The following RASSF3 variants were observed in gnomAD, a reference collection of about 807,000 sequenced individuals.
RASSF3 encodes the protein ras association domain-containing protein 3.
RASSF3 carries 19 observed loss-of-function variants against 19.9 expected under a neutral mutation model. The ratio of observed to expected loss-of-function variants is 0.96; its 90% CI spans 0.67 to 1.40. RASSF3 has a LOEUF of 1.40. Among genes scored for constraint, RASSF3 ranks in the 40% most tolerant of loss-of-function variants. The pLI is 0.00. For synonymous variants in RASSF3, 110 were observed against 104.2 expected (o/e 1.06, Z -0.34); for missense variants, 306 against 289.8 (o/e 1.06, Z -0.41).
chr12:64,652,106 A>G (rs1327863930), intron 1 of RASSF3, among the ~76,000 whole-genome samples: 1 of 152,210 alleles, frequency 6.6e-6, no homozygotes, highest in East Asian at 1.9e-4. Context: ...AGATTACCAT[A>G]TTTTGCAATA....
intron 1 of RASSF3, among the ~76,000 whole-genome samples, chr12:64,673,281 G>A (rs891377894): frequency 6.6e-5 from 10 of 152,094 alleles, no homozygotes; most frequent in African/African-American, 2.4e-4. Context: ...CTTGAATTTG[G>A]GGTGGTGCTT....
rs1269081353 is a variant in RASSF3 at position 64,561,315 on chromosome 12, A to T, written c.294+19610A>T. On this transcript the variant is annotated intron_variant, in intron 2 of 5. Coordinates refer to the RASSF3 transcript ENST00000637125. ...TTCACGTGATGTCTTCATTTTAATG[A>T]TGAAAGAAGAGAAACTTTAAAATTT... Among the ~76,000 whole-genome samples the T allele has an allele frequency of 5.9e-5, 9 of 152,220 alleles. No individual in the cohort carries two copies. In the East Asian group the frequency reaches 1.7e-3, roughly 29 times the overall value.
intron 1 of RASSF3, among the ~76,000 whole-genome samples, chr12:64,631,445 C>T (rs994991111): frequency 2.6e-5 from 4 of 151,984 alleles, no homozygotes; most frequent in Non-Finnish European, 4.4e-5. Context: ...GGTGCTCTTC[C>T]GTGAGGCTTG....
intron 1 of RASSF3, among the ~76,000 whole-genome samples, chr12:64,679,855 T>G (rs1418660070): frequency 6.6e-6 from 1 of 152,172 alleles, no homozygotes. Context: ...AAGCAGACGC[T>G]CTCAGGCGTG....
chr12:64,683,364 A>G (rs567671919), intron 1 of RASSF3, among the ~76,000 whole-genome samples: 1 of 152,352 alleles, frequency 6.6e-6, no homozygotes, highest in African/African-American at 2.4e-5. Flanking sequence ...CATGTCTGCT[A>G]CTGCATAATG....
intron 1 of RASSF3, among the ~76,000 whole-genome samples, chr12:64,514,188 C>CTTTTTT (rs138925359): frequency 1.2e-4 from 9 of 78,006 alleles, no homozygotes; most frequent in African/African-American, 1.3e-4. Flanking sequence ...CGCTCAGCCT[C>CTTTTTT]TTTTTTTTTT....
downstream of RASSF3, among the ~76,000 whole-genome samples, chr12:64,545,641 C>G (rs1001678795): frequency 6.6e-6 from 1 of 152,100 alleles, no homozygotes; most frequent in East Asian, 1.9e-4. Context: ...AAGAAAGCTC[C>G]TCTTGGCGGG....
At chr12:64,608,712 C>CTACA (rs1394482519), upstream of RASSF3, among the ~76,000 whole-genome samples, 2 of 152,200 alleles carry the variant, frequency 1.3e-5, no homozygotes, top group African/African-American at 4.8e-5. Flanking sequence ...AGCCCTTAAC[C>CTACA]TACACATTAT....
At chr12:64,620,037 T>TGTGTGTGTGTGTGTG (rs1565851666) in intron 1 of RASSF3, among the ~76,000 whole-genome samples, 5 of 148,752 alleles carry the variant, frequency 3.4e-5, no homozygotes, top group Non-Finnish European at 4.5e-5. Flanking sequence ...TGTGTGTGTG[T>TGTGTGTGTGTGTGTG]AGTTTTCTGA....
At chr12:64,669,358 C>T (rs956379369) in intron 1 of RASSF3, among the ~76,000 whole-genome samples, 4 of 152,064 alleles carry the variant, frequency 2.6e-5, no homozygotes, top group African/African-American at 7.2e-5. Context: ...TTCTTGGCTT[C>T]GTTTTTTCCT....
intron 2 of RASSF3, among the ~76,000 whole-genome samples, chr12:64,583,877 C>G (rs1164390967): frequency 6.6e-6 from 1 of 152,298 alleles, no homozygotes; most frequent in South Asian, 2.1e-4. Flanking sequence ...CAAATATGTT[C>G]GGTTTATCTG....
Position 64,696,470 on chromosome 12 carries a change from G to A in RASSF3, c.*1558G>A, listed in dbSNP as rs994333538. 6.6e-6 allele frequency: 1 copy of A among 152,126 alleles called. No homozygotes were observed. Among genetic ancestry groups the A allele is most frequent in the Non-Finnish European group, 1.5e-5 (1 of 68,040 alleles). 9.4% of individuals were successfully genotyped at this position (152,126 alleles called of 1,614,324 possible). A position where few individuals can be genotyped will look rare whatever the true frequency, so the allele number is the denominator to read the frequency against. ...AAAGGTGTGCAGTGGTTCCAGAGGG[G>A]CCTTATATTCTATTTTTAGTCTAGA... On this transcript the variant is annotated 3_prime_UTR_variant, in exon 5 of 5. Coordinates refer to ENST00000542104, the MANE Select transcript of RASSF3 (RefSeq NM_178169.4).
Position 64,645,188 on chromosome 12 carries a change from A to G in RASSF3, c.111+34445A>G, listed in dbSNP as rs543262023. On this transcript the variant is annotated intron_variant, in intron 1 of 4. Coordinates refer to ENST00000542104, the MANE Select transcript of RASSF3 (RefSeq NM_178169.4). ...TGGATCAAAAGGACTGAAGGAAATG[A>G]ACAAATAATTTTGGCAAACCATTAT... is the stretch of plus-strand genomic sequence containing the variant. Among the ~76,000 whole-genome samples, 12 of 152,374 alleles carry G rather than the reference A, an allele frequency of 7.9e-5. No homozygotes were observed. In the East Asian group the frequency reaches 2.1e-3, roughly 27 times the overall value.
chr12:64,552,958 C>T (rs200745140), intron 2 of RASSF3, among the ~76,000 whole-genome samples: 2 of 152,118 alleles, frequency 1.3e-5, no homozygotes, highest in East Asian at 3.9e-4. Context: ...CACCTATAAT[C>T]CCAGTACTTT....
chr12:64,637,385 G>T lies in RASSF3; in HGVS notation c.111+26642G>T, dbSNP rs965483820. Reference sequence around the variant, plus strand: ...TGAGTTTTATAGACTTCTAGGGATTGTCTCCAGAGATAGGTGGGTAGTATG... The same window carrying T: ...TGAGTTTTATAGACTTCTAGGGATTTTCTCCAGAGATAGGTGGGTAGTATG... On this transcript the variant is annotated intron_variant, in intron 1 of 4. Transcript: ENST00000542104. Among the ~76,000 whole-genome samples the T allele has an allele frequency of 2.0e-5, 3 of 150,850 alleles. No individual in the cohort carries two copies. In the South Asian group the frequency reaches 6.3e-4, roughly 32 times the overall value.
chr12:64,571,218 A>G (rs2136130268), intron 2 of RASSF3, among the ~76,000 whole-genome samples: 1 of 152,276 alleles, frequency 6.6e-6, no homozygotes, highest in Middle Eastern at 3.4e-3. Flanking sequence ...TCTCAAAAAA[A>G]TAAAAATAAA....
At chr12:64,678,120 A>T (rs997923003) in intron 1 of RASSF3, among the ~76,000 whole-genome samples, 1 of 152,198 alleles carries the variant, frequency 6.6e-6, no homozygotes, top group Non-Finnish European at 1.5e-5. Context: ...ACCTAGACTC[A>T]GTTCAGTTTG....
intron 1 of RASSF3, among the ~76,000 whole-genome samples, chr12:64,618,923 A>G (rs1355247246): frequency 1.3e-5 from 2 of 152,132 alleles, no homozygotes. Context: ...CTTAAAGTAT[A>G]ATAATAAAAA....
At position 64,623,971 on chromosome 12, in the gene RASSF3, T is replaced by G. The variant is rs185594395; in HGVS notation, c.111+13228T>G. On this transcript the variant is annotated intron_variant, in intron 1 of 4. Coordinates refer to ENST00000542104, the MANE Select transcript of RASSF3 (RefSeq NM_178169.4). ...GCCATATTTCTGTTTTAGAATTGCT[T>G]TCTTGCTTTTCCTCTGACCAGATTT... is the stretch of plus-strand genomic sequence containing the variant. Among the ~76,000 whole-genome samples the G allele has an allele frequency of 4.5e-4, 69 of 151,962 alleles. 2 individuals carry two copies. The East Asian group carries it at 0.011, about 24-fold the overall frequency.
Sources: gnomAD v4.1 joint callset for allele counts (sites outside exome capture counted in the v4.1 genomes callset) on GRCh38, gnomAD v4.1.1 for gene constraint, MANE v1.5 for transcripts, NCBI Gene and HGNC (gene_info 2026-07-23, HGNC 2026-07-21) for gene names.